CENPI: variants seen among roughly 807,000 people sequenced by gnomAD.
The protein encoded by CENPI is FSH primary response 1.
In CENPI, 4 loss-of-function variants were observed where a neutral mutation model predicts 60.4. That is an observed-to-expected ratio of 0.07 (90% CI 0.03 to 0.15). The LOEUF is 0.15. CENPI is among the 10% of genes least tolerant of loss of function. CENPI has a pLI of 1.00. For missense variants in CENPI, 444 were observed against 534.5 expected, an observed-to-expected ratio of 0.83 and a Z score of 1.67; for synonymous variants, 157 against 189.4, an observed-to-expected ratio of 0.83 and a Z score of 1.40.
the CENPI span, among the ~76,000 whole-genome samples, chrX:101,171,370 T>C: frequency 1.8e-5 from 2 of 112,065 alleles, no homozygotes; most frequent in Admixed American, 1.9e-4. Context: ...TCCAGTTGGG[T>C]CTCTGTGTCA....
At chrX:101,142,574 G>A (rs2089923909) in intron 16 of CENPI, among the ~76,000 whole-genome samples, 1 of 110,855 alleles carries the variant, frequency 9.0e-6, no homozygotes. Flanking sequence ...TTGTCACAGC[G>A]ACTGGGAAGA....
chrX:101,162,207 T>C (rs780781050), intron 21 of CENPI, among the ~76,000 whole-genome samples: 5 of 109,774 alleles, frequency 4.6e-5, no homozygotes, highest in African/African-American at 1.3e-4. Context: ...CCCAAAGTGC[T>C]GGGATTACAG....
At chrX:101,166,386 C>A (rs147482245), downstream of CENPI, among the ~76,000 whole-genome samples, 819 of 112,587 alleles carry the variant, frequency 7.3e-3, 11 homozygotes, top group African/African-American at 0.025. Context: ...GATCTCTTGA[C>A]CTCGGGATCC....
intron 18 of CENPI, among the ~76,000 whole-genome samples, chrX:101,146,660 A>G (rs896558849): frequency 3.6e-5 from 4 of 111,994 alleles, no homozygotes; most frequent in Non-Finnish European, 7.5e-5. Context: ...ATTGCCAATT[A>G]TATGAAACTG....
At chrX:101,162,473 A>ATATAT (rs1556409814) in intron 21 of CENPI, among the ~76,000 whole-genome samples, 91 of 68,086 alleles carry the variant, frequency 1.3e-3, no homozygotes, top group African/African-American at 5.7e-3. Flanking sequence ...AAAAAAAAAA[A>ATATAT]ATATATATAT....
intron 21 of CENPI, among the ~76,000 whole-genome samples, chrX:101,162,465 A>AT (rs1163171456): frequency 3.3e-5 from 3 of 90,308 alleles, no homozygotes; most frequent in African/African-American, 5.1e-5. Flanking sequence ...CAAAAAAAAA[A>AT]AAAAAAAAAT....
chrX:101,107,187 A>C (rs147778671), intron 4 of CENPI, among the ~76,000 whole-genome samples: 1,169 of 109,244 alleles, frequency 0.011, 13 homozygotes, highest in African/African-American at 0.037. Flanking sequence ...TCTGGTTCAC[A>C]TTCTCTCATG....
At chrX:101,099,165 G>C in intron 2 of CENPI, among the ~76,000 whole-genome samples, 2 of 110,033 alleles carry the variant, frequency 1.8e-5, no homozygotes, top group South Asian at 7.8e-4. Context: ...GGTGGCTCAC[G>C]CCTGTAATCC....
At chrX:101,149,119 T>C (rs952236150) in intron 20 of CENPI, among the ~76,000 whole-genome samples, 2 of 111,869 alleles carry the variant, frequency 1.8e-5, no homozygotes, top group African/African-American at 6.5e-5. Context: ...AGCACGAACA[T>C]GAGCTTGTCA....
In CENPI at chrX:101,127,138, A is replaced by G; in HGVS notation, c.778A>G (p.Ile260Val). The change falls in exon 10 of 22, where the codon ATA becomes GTA. Residue 260 changes from isoleucine (I) to valine (V), a missense_variant and splice_region_variant. Ile to Val is a conservative substitution (Grantham distance 29). Coordinates refer to ENST00000682095, the MANE Select transcript of CENPI (RefSeq NM_001386188.2). Reference sequence around the variant, plus strand: ...TTGTACTTTATATCCAAATTTATAGATATATTTTAAGAATTCAGAGAATCT... The same window carrying G: ...TTGTACTTTATATCCAAATTTATAGGTATATTTTAAGAATTCAGAGAATCT... ...ISVSLPVRKK[I>V]YFKNSENLWK... 8.6e-7 allele frequency: 1 copy of G among 1,166,219 alleles called. No homozygotes were observed. Among genetic ancestry groups the G allele is most frequent in the Non-Finnish European group, 1.1e-6 (1 of 873,386 alleles).
At chrX:101,132,979 A>G (rs905881783) in intron 15 of CENPI, among the ~76,000 whole-genome samples, 4 of 111,106 alleles carry the variant, frequency 3.6e-5, no homozygotes, top group African/African-American at 9.8e-5. Context: ...AAGAAGACCA[A>G]TATGGCTTCC....
At chrX:101,179,213 G>A in the CENPI span, among the ~76,000 whole-genome samples, 1 of 111,598 alleles carries the variant, frequency 9.0e-6, no homozygotes, top group Admixed American at 9.6e-5. Context: ...ACCAATATGC[G>A]TTCTGGTCTC....
intron 16 of CENPI, among the ~76,000 whole-genome samples, chrX:101,143,691 G>T (rs1447697214): frequency 9.0e-6 from 1 of 111,657 alleles, no homozygotes; most frequent in Non-Finnish European, 1.9e-5. Context: ...ACCACACCTG[G>T]CTAATTTTTG....
chrX:101,103,950 T>C (rs184434266), intron 4 of CENPI, among the ~76,000 whole-genome samples: 24 of 111,917 alleles, frequency 2.1e-4, no homozygotes, highest in African/African-American at 7.4e-4. Context: ...CTTAGTCTAC[T>C]TCATTACCTT....
At chrX:101,162,092 C>T (rs2090113047) in intron 21 of CENPI, among the ~76,000 whole-genome samples, 1 of 109,987 alleles carries the variant, frequency 9.1e-6, no homozygotes, top group African/African-American at 3.3e-5. Context: ...ATGTGTGTAC[C>T]ACCACGCCTG....
the CENPI span, among the ~76,000 whole-genome samples, chrX:101,181,080 G>A: frequency 9.3e-6 from 1 of 107,149 alleles, no homozygotes; most frequent in Admixed American, 1.0e-4. Context: ...AATTTTCTTA[G>A]GATCTTTGTC....
In CENPI at chrX:101,109,997, T is replaced by C. The variant is rs759275082; in HGVS notation, c.590T>C (p.Leu197Pro). The C allele has an allele frequency of 7.9e-6, 9 of 1,146,066 alleles. No individual in the cohort carries two copies. Among genetic ancestry groups the C allele is most frequent in the Admixed American group, 2.2e-5 (1 of 45,304 alleles). The allele number at this position is 1,146,066 out of a possible 1,213,427, so 94.4% of individuals were successfully genotyped here. The change falls in exon 6 of 22, where the codon CTG becomes CCG. Residue 197 changes from leucine (L) to proline (P), a missense_variant and splice_region_variant. Leu to Pro is a moderately conservative substitution (Grantham distance 98). Coordinates refer to ENST00000682095, the MANE Select transcript of CENPI (RefSeq NM_001386188.2). ...FFFASLQDDALCPYVCHLLYL... is the reference protein window; with the variant it reads ...FFFASLQDDAPCPYVCHLLYL... Reference sequence around the variant, plus strand: ...TTTGCTTCATTGCAAGATGATGCACTGGTAAGTAAAAATTGGACAGCATTA... The same window carrying C: ...TTTGCTTCATTGCAAGATGATGCACCGGTAAGTAAAAATTGGACAGCATTA...
downstream of CENPI, among the ~76,000 whole-genome samples, chrX:101,169,354 TAAC>T (rs962717648): frequency 9.8e-5 from 11 of 112,499 alleles, no homozygotes; most frequent in East Asian, 2.8e-4. Flanking sequence ...TGCCACCACA[TAAC>T]AACATTTTGA....
At chrX:101,134,717 A>C (rs771384134) in intron 15 of CENPI, among the ~76,000 whole-genome samples, 1 of 111,434 alleles carries the variant, frequency 9.0e-6, no homozygotes, top group East Asian at 2.8e-4. Flanking sequence ...TAAACCTGAA[A>C]AAGGAGGTTA....
Sources: allele counts gnomAD v4.1 joint callset (sites outside exome capture counted in the v4.1 genomes callset), GRCh38; gene constraint gnomAD v4.1.1; transcripts MANE v1.5; gene names NCBI Gene and HGNC (gene_info 2026-07-23, HGNC 2026-07-21).